SEMA6A: variants seen among roughly 807,000 people sequenced by gnomAD.
SEMA6A encodes semaphorin 6A, also known as semaphorin-6A.
A neutral mutation model predicts 96.8 loss-of-function variants in SEMA6A; 25 were observed. That is an observed-to-expected ratio of 0.26 (90% CI 0.19 to 0.36). The LOEUF (loss-of-function observed/expected upper bound fraction) is 0.36. Among genes scored for constraint, SEMA6A ranks in the 10% least tolerant of loss-of-function variants. SEMA6A has a pLI of 1.00. For synonymous variants in SEMA6A, 612 were observed against 518.0 expected, an observed-to-expected ratio of 1.18 and a Z score of -2.46; for missense variants, 1,363 against 1,323.1, an observed-to-expected ratio of 1.03 and a Z score of -0.47.
chr5:116,565,964 A>T (rs546908424), intron 1 of SEMA6A, among the ~76,000 whole-genome samples: 2 of 152,366 alleles, frequency 1.3e-5, no homozygotes, highest in East Asian at 3.9e-4. Context: ...ATTAATGAAA[A>T]GACTGAATAC....
intron 1 of SEMA6A, chr5:116,550,068 G>T (rs1272600854): frequency 6.6e-6 from 1 of 152,022 alleles, no homozygotes. Context: ...GAGTGGAAAG[G>T]GACTGATGGT....
intron 3 of SEMA6A, chr5:116,498,352 TAAAAG>T (rs773407047): frequency 9.2e-5 from 14 of 152,112 alleles, no homozygotes; most frequent in South Asian, 2.1e-4. Flanking sequence ...CCTCGTTACT[TAAAAG>T]AAAGAGCGGG....
intron 5 of SEMA6A, 152 bp from the exon 6 acceptor site, chr5:116,495,666 A>G: frequency 1.7e-6 from 1 of 584,604 alleles, no homozygotes; most frequent in East Asian, 2.9e-5. Flanking sequence ...GATGTTAACC[A>G]CAAGATGATG....
chr5:116,484,121 C>A (rs1029731385), intron 10 of SEMA6A, among the ~76,000 whole-genome samples: 1 of 150,616 alleles, frequency 6.6e-6, no homozygotes, highest in African/African-American at 2.4e-5. Flanking sequence ...AATTTCAGAA[C>A]CTTTGCATTA....
At chr5:116,531,993 T>C (rs549461576) in intron 1 of SEMA6A, among the ~76,000 whole-genome samples, 4 of 152,248 alleles carry the variant, frequency 2.6e-5, no homozygotes, top group African/African-American at 7.2e-5. Context: ...AACACAGAGG[T>C]AGGGACCACC....
At chr5:116,456,764 G>A (rs1755033940) in intron 18 of SEMA6A, among the ~76,000 whole-genome samples, 1 of 152,180 alleles carries the variant, frequency 6.6e-6, no homozygotes, top group Admixed American at 6.5e-5. Context: ...GAAGCAGAAT[G>A]CTTGATGGAG....
chr5:116,478,238 C>A, intron 13 of SEMA6A, 84 bp from the exon 14 acceptor site: 2 of 1,481,984 alleles, frequency 1.3e-6, no homozygotes. Flanking sequence ...TCCCAGCCCA[C>A]AAGGCAATCT....
At chr5:116,491,931 T>C in intron 6 of SEMA6A, 101 bp from the exon 7 acceptor site, 1 of 936,240 alleles carries the variant, frequency 1.1e-6, no homozygotes, top group Middle Eastern at 2.6e-4. Context: ...TTGTAATCTG[T>C]AATCACTTTG....
intron 10 of SEMA6A, among the ~76,000 whole-genome samples, chr5:116,483,546 A>G (rs1035790583): frequency 1.3e-5 from 2 of 152,222 alleles, no homozygotes; most frequent in Non-Finnish European, 2.9e-5. Flanking sequence ...TGAATTTTGC[A>G]AATGTTGAAC....
chr5:116,486,613 G>C (rs999981904), intron 10 of SEMA6A, 136 bp downstream of exon 10: 1 of 674,420 alleles, frequency 1.5e-6, no homozygotes, highest in Non-Finnish European at 2.6e-6. Flanking sequence ...TGAAAACTAA[G>C]TGTTAAGTGC....
chr5:116,446,347 T>G lies in SEMA6A; in HGVS notation c.*266A>C, dbSNP rs771206479. The G allele has an allele frequency of 5.1e-5, 18 of 352,784 alleles. No individual in the cohort carries two copies. Among genetic ancestry groups the G allele is most frequent in the Non-Finnish European group, 7.2e-5 (14 of 195,180 alleles). The allele number at this position is 352,784 out of a possible 1,614,324, so 21.9% of individuals were successfully genotyped here. On this transcript the variant is annotated 3_prime_UTR_variant, in exon 19 of 19. Coordinates refer to ENST00000343348, the MANE Select transcript of SEMA6A (RefSeq NM_020796.5). ...CATGTTTGTGATGATAACTGAAGTC[T>G]TTTGTGGGTCCGACCTGTTGTAGGG...
rs769829763 is a variant in SEMA6A, at chr5:116,447,011, C to A, written c.2695G>T (p.Gly899Cys). 10 of 1,613,922 alleles carry A rather than the reference C, an allele frequency of 6.2e-6. No homozygotes were observed. The Admixed American group carries it at 6.7e-5, about 11-fold the overall frequency. ...GPPGASLSQT[G>C]LSKRLEMHHS... ...TGCATTTCCAGCCGCTTGCTTAGAC[C>A]GGTCTGAGACAGGGAGGCTCCCGGG... Residue 899 changes from glycine (G) to cysteine (C), a missense_variant, in exon 19 of 19, where the codon GGT (glycine) becomes TGT (cysteine). Gly to Cys is a radical substitution (Grantham distance 159). This residue lies in a region of SEMA6A where 883 missense variants were observed against 763.6 expected (regional missense o/e 1.16). Transcript: ENST00000343348.
intron 15 of SEMA6A, among the ~76,000 whole-genome samples, chr5:116,477,485 G>A (rs1239914242): frequency 6.6e-6 from 1 of 152,184 alleles, no homozygotes; most frequent in Admixed American, 6.5e-5. Flanking sequence ...TGCTATGGCT[G>A]GACAAACCAC....
chr5:116,502,375 G>A, intron 2 of SEMA6A, 48 bp from the exon 3 acceptor site: 1 of 1,530,496 alleles, frequency 6.5e-7, no homozygotes, highest in Non-Finnish European at 9.1e-7. Flanking sequence ...AATCAAGCCA[G>A]GAATTGACAG....
intron 6 of SEMA6A, among the ~76,000 whole-genome samples, chr5:116,493,573 G>C (rs776024118): frequency 9.2e-5 from 14 of 152,004 alleles, no homozygotes; most frequent in Non-Finnish European, 1.3e-4. Flanking sequence ...TTTTGTGCCT[G>C]AGCCACATGC....
chr5:116,449,484 A>G, intron 18 of SEMA6A: 1 of 605,608 alleles, frequency 1.7e-6, no homozygotes, highest in South Asian at 1.9e-5. Context: ...ACTTCTACTG[A>G]AATGTTGTCT....
intron 1 of SEMA6A, among the ~76,000 whole-genome samples, chr5:116,564,918 T>C (rs1760968847): frequency 6.6e-6 from 1 of 152,188 alleles, no homozygotes; most frequent in Admixed American, 6.5e-5. Context: ...ATGTTTCCAT[T>C]GCCAAAATAA....
intron 1 of SEMA6A, among the ~76,000 whole-genome samples, chr5:116,560,331 GGCC>G (rs1192116068): frequency 2.6e-5 from 4 of 152,056 alleles, no homozygotes; most frequent in Admixed American, 2.6e-4. Flanking sequence ...CTGAAATGTG[GGCC>G]GACAGTAGGT....
chr5:116,525,286 A>G (rs1293249084), intron 1 of SEMA6A, among the ~76,000 whole-genome samples: 1 of 152,030 alleles, frequency 6.6e-6, no homozygotes, highest in Non-Finnish European at 1.5e-5. Context: ...GGGTTATTTA[A>G]TCTGTGTAAG....
Sources: gnomAD v4.1 joint callset for allele counts (sites outside exome capture counted in the v4.1 genomes callset) on GRCh38, gnomAD v4.1.1 for gene constraint, gnomAD v4.1.1 regional missense constraint, MANE v1.5 for transcripts, NCBI Gene and HGNC (gene_info 2026-07-23, HGNC 2026-07-21) for gene names.